The following PCDHA8 variants were observed in gnomAD, a reference collection of about 807,000 sequenced individuals.
PCDHA8 encodes protocadherin alpha 8.
In PCDHA8, 53 loss-of-function variants were observed where a neutral mutation model predicts 61.8. The ratio of observed to expected loss-of-function variants is 0.86; its 90% CI spans 0.69 to 1.08. PCDHA8 has a LOEUF of 1.08. Ranked by LOEUF, PCDHA8 falls within the 50% of genes least tolerant of loss-of-function variation. The pLI, the probability that PCDHA8 is intolerant of heterozygous loss-of-function variation, is 0.00. For synonymous variants in PCDHA8, 618 were observed against 556.6 expected, an observed-to-expected ratio of 1.11 and a Z score of -1.55; for missense variants, 1,293 against 1,245.0, an observed-to-expected ratio of 1.04 and a Z score of -0.58.
chr5:140,998,066 C>T (rs1234368433), intron 3 of PCDHA8, among the ~76,000 whole-genome samples: 2 of 152,160 alleles, frequency 1.3e-5, no homozygotes, highest in East Asian at 1.9e-4. Flanking sequence ...CATCAACAGA[C>T]TTAGCCTCTG....
At chr5:140,884,063 G>T in intron 1 of PCDHA8, 1 of 1,613,496 alleles carries the variant, frequency 6.2e-7, no homozygotes, top group Non-Finnish European at 8.5e-7. Context: ...CGCGGTGGAC[G>T]CCGATTCGGG....
At chr5:140,857,353 G>A (rs1197611806) in intron 1 of PCDHA8, 1 of 1,598,220 alleles carries the variant, frequency 6.3e-7, no homozygotes, top group African/African-American at 1.3e-5. Flanking sequence ...CTCCGCTGTG[G>A]GCCACGGCCA....
At chr5:140,928,400 C>T (rs1441591334) in intron 1 of PCDHA8, 15 of 1,614,038 alleles carry the variant, frequency 9.3e-6, no homozygotes, top group Non-Finnish European at 1.3e-5. Context: ...GTGGAATCAT[C>T]CAGTGGGGCC....
intron 1 of PCDHA8, chr5:140,862,727 C>G (rs1407282014): frequency 3.5e-6 from 2 of 570,998 alleles, no homozygotes; most frequent in African/African-American, 1.9e-5. Context: ...TGCGCGCTGT[C>G]TAGCTATGTG....
intron 1 of PCDHA8, among the ~76,000 whole-genome samples, chr5:140,973,039 C>T (rs782146596): frequency 1.3e-5 from 2 of 152,040 alleles, no homozygotes; most frequent in Non-Finnish European, 2.9e-5. Flanking sequence ...ACTTTGAGTA[C>T]TCTAGTAGAT....
intron 1 of PCDHA8, among the ~76,000 whole-genome samples, chr5:140,896,950 C>A (rs996950218): frequency 6.6e-6 from 1 of 152,106 alleles, no homozygotes; most frequent in Non-Finnish European, 1.5e-5. Context: ...TGGCCATTCC[C>A]TTAAACATTT....
intron 1 of PCDHA8, chr5:140,875,919 C>G: frequency 2.5e-6 from 4 of 1,614,168 alleles, no homozygotes; most frequent in Non-Finnish European, 3.4e-6. Flanking sequence ...CGCCTCTGGA[C>G]TCTCATTTTC....
intron 1 of PCDHA8, chr5:140,869,908 CGAGACGAAG>C: frequency 6.2e-7 from 1 of 1,610,646 alleles, no homozygotes; most frequent in Non-Finnish European, 8.5e-7. Context: ...CGCCACAGAC[CGAGACGAAG>C]GAGTCAATGG....
intron 1 of PCDHA8, among the ~76,000 whole-genome samples, chr5:140,892,769 T>C (rs1182235195): frequency 6.6e-6 from 1 of 152,210 alleles, no homozygotes; most frequent in Non-Finnish European, 1.5e-5. Context: ...TCCACTCTTC[T>C]AGCTTCTTGA....
chr5:140,967,215 G>T (rs782646028), intron 1 of PCDHA8: 1 of 1,613,682 alleles, frequency 6.2e-7, no homozygotes, highest in Non-Finnish European at 8.5e-7. Context: ...CGTTTCCCGC[G>T]GCCCAACTAC....
At chr5:140,958,295 C>T (rs1405336220) in intron 1 of PCDHA8, among the ~76,000 whole-genome samples, 1 of 151,884 alleles carries the variant, frequency 6.6e-6, no homozygotes, top group Admixed American at 6.6e-5. Context: ...TATTATTGAA[C>T]TTAATTAAAA....
chr5:140,869,973 C>A (rs782664221), intron 1 of PCDHA8: 2 of 1,613,100 alleles, frequency 1.2e-6, no homozygotes, highest in Admixed American at 1.7e-5. Context: ...ATGGAAGACA[C>A]TTATTTACAC....
At chr5:140,882,993 T>G (rs1554176415) in intron 1 of PCDHA8, 2 of 1,614,080 alleles carry the variant, frequency 1.2e-6, no homozygotes, top group Non-Finnish European at 1.7e-6. Flanking sequence ...GCCCCGGAAT[T>G]TTACCAATCC....
At chr5:140,928,271 C>G in intron 1 of PCDHA8, 2 of 1,614,186 alleles carry the variant, frequency 1.2e-6, no homozygotes, top group East Asian at 4.5e-5. Flanking sequence ...AACAATGGCC[C>G]TGGGGCCTCT....
At chr5:140,892,504 G>A (rs2063551551) in intron 1 of PCDHA8, among the ~76,000 whole-genome samples, 1 of 152,176 alleles carries the variant, frequency 6.6e-6, no homozygotes, top group Non-Finnish European at 1.5e-5. Context: ...TGTTTAAGAA[G>A]TTCCACCATG....
chr5:140,855,044 T>C lies in PCDHA8; in HGVS notation c.2394+11329T>C, dbSNP rs1055824292. ...TCTTGTATAAAGGATTTTTCTGTAA[T>C]AGTACTTTTCTGTTTTCTTAAATAC... On this transcript the variant is annotated intron_variant, in intron 1 of 3. Coordinates refer to ENST00000531613, the MANE Select transcript of PCDHA8 (RefSeq NM_018911.3). 4.0e-5 allele frequency among the ~76,000 whole-genome samples: 6 copies of C among 149,952 alleles called. 2 individuals carry two copies. The highest frequency in any genetic ancestry group is 8.9e-5 in the Non-Finnish European group (6 of 67,110).
At chr5:140,877,443 C>T (rs376417721) in intron 1 of PCDHA8, 1 of 1,613,844 alleles carries the variant, frequency 6.2e-7, no homozygotes, top group East Asian at 2.2e-5. Flanking sequence ...ACGGTGAGCC[C>T]GCGCTGACGT....
chr5:140,869,589 T>A, intron 1 of PCDHA8: 1 of 1,614,120 alleles, frequency 6.2e-7, no homozygotes. Context: ...ATGCTGACAT[T>A]GAAGAGAATG....
rs563652109 is a variant in PCDHA8 at position 140,884,316 on chromosome 5, C to G, written c.2394+40601C>G. 26 of 1,613,752 alleles carry G rather than the reference C, an allele frequency of 1.6e-5. 2 individuals carry two copies. The South Asian group carries it at 2.5e-4, about 16-fold the overall frequency. On this transcript the variant is annotated intron_variant, in intron 1 of 3. Transcript: ENST00000531613. ...GCGCCACAGGCTTCGTCGAGGGCGT[C>G]GGCAGGCGCTGTGGGTCCAGAAGCG...
Sources: allele counts gnomAD v4.1 joint callset (sites outside exome capture counted in the v4.1 genomes callset), GRCh38; gene constraint gnomAD v4.1.1; transcripts MANE v1.5; gene names NCBI Gene and HGNC (gene_info 2026-07-23, HGNC 2026-07-21).